The following MAMDC4 variants were observed in gnomAD, a reference collection of about 807,000 sequenced individuals.
The protein encoded by MAMDC4 is apical endosomal glycoprotein.
Under a neutral mutation model 153.3 loss-of-function variants are expected in MAMDC4, and 168 were observed. That is an observed-to-expected ratio of 1.10 (90% CI 0.97 to 1.25). The LOEUF (loss-of-function observed/expected upper bound fraction) is 1.25, where lower values mean the gene tolerates loss of function less well. Among genes scored for constraint, MAMDC4 ranks in the 50% most tolerant of loss-of-function variants. The pLI, the probability that MAMDC4 is intolerant of heterozygous loss-of-function variation, is 0.00. For synonymous variants in MAMDC4, 744 were observed against 651.5 expected (o/e 1.14, Z -2.16); for missense variants, 1,701 against 1,542.8 (o/e 1.10, Z -1.72).
At chr9:136,854,163 T>A in intron 6 of MAMDC4, 48 bp from the exon 7 acceptor site, 1 of 1,611,174 alleles carries the variant, frequency 6.2e-7, no homozygotes, top group Non-Finnish European at 8.5e-7. Flanking sequence ...CCCCGAGTGC[T>A]CTCCCACTCC....
rs914600855 is a variant in MAMDC4 at position 136,855,619 on chromosome 9, G to A, written c.1471G>A (p.Gly491Ser). Reference sequence around the variant, plus strand: ...AGGGGGCGAGGACGAGCAGGCCTGTGGTAAAGGGGCTCAACCTCCTGCAGA... The same window carrying A: ...AGGGGGCGAGGACGAGCAGGCCTGTAGTAAAGGGGCTCAACCTCCTGCAGA... Reference protein sequence around the residue: ...CAGGEDEQACGTTDFESPEAG... With the variant: ...CAGGEDEQACSTTDFESPEAG... The change falls in exon 12 of 27, where the codon GGC becomes AGC. Residue 491 changes from glycine (G) to serine (S), a missense_variant and splice_region_variant. Gly to Ser is a moderately conservative substitution (Grantham distance 56). Transcript: ENST00000317446. 20 of 1,576,048 alleles carry A rather than the reference G, an allele frequency of 1.3e-5. No homozygotes were observed. Among genetic ancestry groups the A allele is most frequent in the Non-Finnish European group, 2.6e-6 (3 of 1,159,994 alleles).
Position 136,859,008 on chromosome 9 carries a change from A to G in MAMDC4, c.2960A>G (p.Lys987Arg), listed in dbSNP as rs1564389065. The change falls in exon 24 of 27, where the codon AAG (lysine) becomes AGG (arginine). Residue 987 changes from lysine to arginine, a missense_variant. Lys to Arg is a conservative substitution (Grantham distance 26). Transcript: ENST00000317446. ...CACGCCCTGGCCCTGCTCTCAGACA[A>G]GGGGGAGCTGAAGGTACTGCTGCAC... ...YHMGFPEHFY[K>R]GELKVLLHSA... 6.6e-7 allele frequency: 1 copy of G among 1,524,870 alleles called. No individual in the cohort carries two copies. The highest frequency in any genetic ancestry group is 1.2e-5 in the South Asian group (1 of 80,634). 94.5% of individuals were successfully genotyped at this position (1,524,870 alleles called of 1,614,324 possible).
intron 14 of MAMDC4, 35 bp downstream of exon 14, chr9:136,856,184 C>T (rs1772873775): frequency 2.5e-6 from 4 of 1,611,536 alleles, no homozygotes; most frequent in Non-Finnish European, 3.4e-6. Context: ...CTGGCCAGCC[C>T]CTGGGTGCTC....
At position 136,856,108 on chromosome 9, in the gene MAMDC4, G is replaced by C; in HGVS notation, c.1679G>C (p.Cys560Ser). The C allele has an allele frequency of 6.2e-7, 1 of 1,612,438 alleles. No homozygotes were observed. The highest frequency in any genetic ancestry group is 1.1e-5 in the South Asian group (1 of 91,088). Residue 560 changes from cysteine to serine, a missense_variant, in exon 14 of 27, where the codon TGT becomes TCT. Coordinates refer to ENST00000317446, the MANE Select transcript of MAMDC4 (RefSeq NM_206920.3). The part of the protein sequence containing the change: ...TPLLGPSGPS[C>S]ELHLAYYLQS... ...CTCCTTGGCCCTTCTGGCCCCAGCTGTGAACTCCACCTGGCTTATTATTTA... is the reference window on the plus strand; with the variant it reads ...CTCCTTGGCCCTTCTGGCCCCAGCTCTGAACTCCACCTGGCTTATTATTTA...
rs775859928 is a variant in MAMDC4, at chr9:136,858,492, AC to A, written c.2772del (p.Ser925LeufsTer66). ...GYSWDWGGGA[T>X]PSRYPQPPVD... Reference sequence around the variant, plus strand: ...CAGCTGGGACTGGGGCGGGGGAGCCACCCCCTCTCGTTACCCCCAGCCCCCT... The same window carrying A: ...CAGCTGGGACTGGGGCGGGGGAGCCACCCCTCTCGTTACCCCCAGCCCCCT... On this transcript the variant is annotated frameshift_variant, in exon 22 of 27. Transcript: ENST00000317446. LOFTEE classifies it high-confidence loss of function. 1.4e-5 allele frequency: 23 copies of A among 1,607,024 alleles called. No homozygotes were observed. The African/African-American group carries it at 3.1e-4, about 22-fold the overall frequency.
intron 13 of MAMDC4, 25 bp downstream of exon 13, chr9:136,855,873 AG>A (rs1848997288): frequency 6.8e-7 from 1 of 1,479,744 alleles, no homozygotes; most frequent in East Asian, 2.5e-5. Flanking sequence ...CCAAGGCTCA[AG>A]CCCCCGCCCG....
chr9:136,859,641 C>T (rs1054640217), intron 25 of MAMDC4: 14 of 598,086 alleles, frequency 2.3e-5, no homozygotes, highest in Admixed American at 6.1e-5. Flanking sequence ...CAGCCACTGA[C>T]TGCTCTCACT....
Position 136,857,385 on chromosome 9 carries a change from C to T in MAMDC4, c.2125C>T (p.Arg709Trp), listed in dbSNP as rs768466114. The change falls in exon 18 of 27, where the codon CGG (arginine) becomes TGG (tryptophan). Residue 709 changes from arginine (R) to tryptophan (W), a missense_variant. Physicochemically the swap from Arg to Trp is moderately radical, Grantham distance 101 (BLOSUM62 -3). Coordinates refer to ENST00000317446, the MANE Select transcript of MAMDC4 (RefSeq NM_206920.3). ...CCCCCAGCTGCTGTTCGAGGGCCTC[C>T]GGGACGGATACCACGGCACCATGGC... ...AQYQLLFEGL[R>W]DGYHGTMALD... 37 of 1,608,152 alleles carry T rather than the reference C, an allele frequency of 2.3e-5. No homozygotes were observed. Among genetic ancestry groups the T allele is most frequent in the South Asian group, 7.7e-5 (7 of 91,068 alleles).
rs768627466 is a variant in MAMDC4 at position 136,860,061 on chromosome 9, T to C, written c.3369T>C (p.Asn1123=). The change falls in exon 26 of 27, where the codon AAT becomes AAC. Residue 1123 remains asparagine (N), a synonymous_variant. Coordinates refer to ENST00000317446, the MANE Select transcript of MAMDC4 (RefSeq NM_206920.3). ...CTGGCTTTGACAACATCCTTTTCAATGCGGTAGGAGCCCCTGGGGATGGGT... is the reference window on the plus strand; with the variant it reads ...CTGGCTTTGACAACATCCTTTTCAACGCGGTAGGAGCCCCTGGGGATGGGT... ...TAPGFDNILF[N]ADGVTLPASV... The C allele has an allele frequency of 1.9e-5, 30 of 1,571,452 alleles. No homozygotes were observed. In the Middle Eastern group the frequency reaches 5.1e-4, roughly 27 times the overall value.
Position 136,855,334 on chromosome 9 carries a change from C to CT in MAMDC4, c.1279dup (p.Ser427PhefsTer50). 1 of 1,604,882 alleles carries CT rather than the reference C, an allele frequency of 6.2e-7. No individual in the cohort carries two copies. The highest frequency in any genetic ancestry group is 8.5e-7 in the Non-Finnish European group (1 of 1,175,296). On this transcript the variant is annotated frameshift_variant, in exon 11 of 27. Transcript: ENST00000317446. LOFTEE classifies it high-confidence loss of function. Reference sequence around the variant, plus strand: ...TCCTGTCTGACCACTGCAGACCAGTCTCGGGTGAGCCTGCTGACTCTGCCC... The same window carrying CT: ...TCCTGTCTGACCACTGCAGACCAGTCTTCGGGTGAGCCTGCTGACTCTGCCC...
chr9:136,855,858 A>G lies in MAMDC4; in HGVS notation c.1588+10A>G, dbSNP rs1212696402. ...AGTGCAGCTGCTGCTGGTGAGGCCC[A>G]AGGCCCAAGGCTCAAGCCCCCGCCC... On this transcript the variant is annotated intron_variant, in intron 13 of 26. Coordinates refer to ENST00000317446, the MANE Select transcript of MAMDC4 (RefSeq NM_206920.3). The G allele has an allele frequency of 6.7e-7, 1 of 1,485,414 alleles. No homozygotes were observed. The highest frequency in any genetic ancestry group is 1.4e-5 in the African/African-American group (1 of 71,258). The allele number at this position is 1,485,414 out of a possible 1,614,324, so 92.0% of individuals were successfully genotyped here.
intron 21 of MAMDC4, 52 bp from the exon 22 acceptor site, chr9:136,858,348 G>GC: frequency 1.2e-6 from 2 of 1,600,216 alleles, no homozygotes; most frequent in Non-Finnish European, 1.7e-6. Flanking sequence ...TAGTCGTGGT[G>GC]CCCAGGGCTT....
intron 3 of MAMDC4, 30 bp downstream of exon 3, chr9:136,853,488 CT>C (rs776492228): frequency 1.6e-5 from 25 of 1,610,670 alleles, no homozygotes; most frequent in Non-Finnish European, 1.8e-5. Context: ...CTGTGCGCCC[CT>C]GTCCCAATAC....
In MAMDC4 at chr9:136,854,744, T is replaced by A. The variant is rs1398776112; in HGVS notation, c.935-18T>A. 1 of 1,612,544 alleles carries A rather than the reference T, an allele frequency of 6.2e-7. No individual in the cohort carries two copies. Among genetic ancestry groups the A allele is most frequent in the Non-Finnish European group, 8.5e-7 (1 of 1,179,800 alleles). ...CCACAGCCCAGTGGCCCTGGCCCAC[T>A]CCCGTCCTTTCCCGCAGGCTCCTTC... On this transcript the variant is annotated intron_variant, in intron 8 of 26. Coordinates refer to ENST00000317446, the MANE Select transcript of MAMDC4 (RefSeq NM_206920.3).
intron 25 of MAMDC4, 48 bp from the exon 26 acceptor site, chr9:136,859,838 A>G (rs1849059839): frequency 6.3e-7 from 1 of 1,597,688 alleles, no homozygotes; most frequent in Non-Finnish European, 8.5e-7. Context: ...CCTTAGCCCC[A>G]GATGTGGGGG....
In MAMDC4 at chr9:136,855,722, G is replaced by A. The variant is rs113095910; in HGVS notation, c.1472-10G>A. 7.6e-6 allele frequency: 12 copies of A among 1,574,936 alleles called. No individual in the cohort carries two copies. The highest frequency in any genetic ancestry group is 5.4e-5 in the African/African-American group (4 of 74,588). On this transcript the variant is annotated splice_polypyrimidine_tract_variant and intron_variant, in intron 12 of 26. Transcript: ENST00000317446. ...AGGACTCTGCCATTCAGTGCCGGCT[G>A]CTGTTCCAGGCACCACAGACTTTGA...
At position 136,854,237 on chromosome 9, in the gene MAMDC4, C is replaced by T. The variant is rs1588391469; in HGVS notation, c.697C>T (p.His233Tyr). The T allele has an allele frequency of 1.2e-6, 2 of 1,612,202 alleles. No individual in the cohort carries two copies. Among genetic ancestry groups the T allele is most frequent in the African/African-American group, 2.7e-5 (2 of 75,038 alleles). ...CCCCCAGGCCAACTGTCCCCCGGGA[C>T]ACCACCACTGCCAGAACAAGGTCTG... ...PTPQANCPPG[H>Y]HHCQNKVCVE... The change falls in exon 7 of 27, where the codon CAC becomes TAC. Residue 233 changes from histidine (H) to tyrosine (Y), a missense_variant. Coordinates refer to ENST00000317446, the MANE Select transcript of MAMDC4 (RefSeq NM_206920.3).
intron 15 of MAMDC4, 27 bp from the exon 16 acceptor site, chr9:136,856,880 T>C (rs1274067096): frequency 4.3e-6 from 7 of 1,611,880 alleles, no homozygotes. Flanking sequence ...GGGGCATCTC[T>C]GCAGCACAGC....
chr9:136,857,970 T>G lies in MAMDC4; in HGVS notation c.2465-9T>G, dbSNP rs1306225853. The G allele has an allele frequency of 1.3e-6, 2 of 1,500,608 alleles. No homozygotes were observed. Among genetic ancestry groups the G allele is most frequent in the Admixed American group, 4.7e-5 (2 of 42,940 alleles). 93.0% of individuals were successfully genotyped at this position (1,500,608 alleles called of 1,614,324 possible). A position where few individuals can be genotyped will look rare whatever the true frequency, so the allele number is the denominator to read the frequency against. On this transcript the variant is annotated splice_polypyrimidine_tract_variant and intron_variant, in intron 19 of 26. Coordinates refer to ENST00000317446, the MANE Select transcript of MAMDC4 (RefSeq NM_206920.3). ...CCACACTGCTGACCTGGGCCGCCCC[T>G]GCTGGCAGGCACCCTGCGGGTCTAC...
Sources: allele counts gnomAD v4.1 joint callset, GRCh38; gene constraint gnomAD v4.1.1; transcripts MANE v1.5; gene names NCBI Gene and HGNC (gene_info 2026-07-23, HGNC 2026-07-21).